SORCS1: variants seen among roughly 807,000 people sequenced by gnomAD.
The protein encoded by SORCS1 is sortilin related VPS10 domain containing receptor 1, also known as VPS10 domain-containing receptor SorCS1.
A neutral mutation model predicts 146.1 loss-of-function variants in SORCS1; 60 were observed. That is an observed-to-expected ratio of 0.41 (90% CI 0.33 to 0.51). The LOEUF (loss-of-function observed/expected upper bound fraction) is 0.51. Among genes scored for constraint, SORCS1 ranks in the 20% least tolerant of loss-of-function variants. The pLI, the probability that SORCS1 is intolerant of heterozygous loss-of-function variation, is 0.21. For missense variants in SORCS1, 1,352 were observed against 1,487.6 expected (o/e 0.91, Z 1.50); for synonymous variants, 637 against 584.0 (o/e 1.09, Z -1.31).
At chr10:106,595,282 C>G (rs1342764835) in intron 24 of SORCS1, among the ~76,000 whole-genome samples, 1 of 152,138 alleles carries the variant, frequency 6.6e-6, no homozygotes, top group East Asian at 1.9e-4. Context: ...CTTGGCCCAG[C>G]GTAGGCAGGC....
chr10:106,829,712 A>G, intron 2 of SORCS1, 39 bp from the exon 3 acceptor site: 1 of 1,512,426 alleles, frequency 6.6e-7, no homozygotes, highest in Non-Finnish European at 9.1e-7. Flanking sequence ...ACAGAAGTAT[A>G]TGTCATTTGG....
chr10:106,962,213 A>G (rs764239280), intron 1 of SORCS1, among the ~76,000 whole-genome samples: 1 of 151,834 alleles, frequency 6.6e-6, no homozygotes, highest in Non-Finnish European at 1.5e-5. Flanking sequence ...CAGCCTGACC[A>G]ACATGGAGAA....
chr10:106,629,705 C>T (rs1448884003), intron 18 of SORCS1, among the ~76,000 whole-genome samples: 1 of 152,182 alleles, frequency 6.6e-6, no homozygotes, highest in Non-Finnish European at 1.5e-5. Context: ...TGGTAATAGT[C>T]TTAGCATCCA....
At chr10:106,976,619 C>T (rs1044254039) in intron 1 of SORCS1, among the ~76,000 whole-genome samples, 1 of 151,672 alleles carries the variant, frequency 6.6e-6, no homozygotes, top group Non-Finnish European at 1.5e-5. Context: ...GCGTGAGCCA[C>T]CGCGCCCGGC....
intron 2 of SORCS1, among the ~76,000 whole-genome samples, chr10:106,842,831 T>G (rs142990255): frequency 0.017 from 2,523 of 152,010 alleles, 89 homozygotes; most frequent in African/African-American, 0.058. Flanking sequence ...CAGGCTGGTC[T>G]TGAACTCCTG....
chr10:106,655,115 C>T (rs1850183934), intron 17 of SORCS1, among the ~76,000 whole-genome samples: 1 of 152,148 alleles, frequency 6.6e-6, no homozygotes, highest in African/African-American at 2.4e-5. Flanking sequence ...CCTCAGCCTC[C>T]CAAAGTGCTG....
At position 106,577,118 on chromosome 10, in the gene SORCS1, AG is replaced by A; in HGVS notation, c.*301del. 9.9e-7 allele frequency: 1 copy of A among 1,012,044 alleles called. No homozygotes were observed. Among genetic ancestry groups the A allele is most frequent in the South Asian group, 1.5e-5 (1 of 66,476 alleles). The allele number at this position is 1,012,044 out of a possible 1,614,324, so 62.7% of individuals were successfully genotyped here. ...GTTGTCTGTGTCTGAAGAATTAAAA[AG>A]TCCCGATGCAGTGAGTGTTTGTTTG... On this transcript the variant is annotated 3_prime_UTR_variant, in exon 26 of 26. Transcript: ENST00000263054.
chr10:106,653,098 G>T (rs1850002595), intron 17 of SORCS1, among the ~76,000 whole-genome samples: 1 of 152,180 alleles, frequency 6.6e-6, no homozygotes, highest in African/African-American at 2.4e-5. Flanking sequence ...TTCATGAGAG[G>T]TTATACTGGC....
chr10:106,679,023 AC>A (rs1183179590), intron 12 of SORCS1, among the ~76,000 whole-genome samples: 1 of 152,220 alleles, frequency 6.6e-6, no homozygotes, highest in Non-Finnish European at 1.5e-5. Flanking sequence ...AAACACCCTT[AC>A]ATACAAGCTC....
intron 2 of SORCS1, among the ~76,000 whole-genome samples, chr10:106,891,570 G>T (rs116174945): frequency 6.9e-6 from 1 of 145,910 alleles, no homozygotes; most frequent in African/African-American, 2.6e-5. Context: ...CATCACCATA[G>T]CTCACTATAA....
intron 1 of SORCS1, among the ~76,000 whole-genome samples, chr10:106,985,297 A>G (rs1466276225): frequency 6.6e-6 from 1 of 152,348 alleles, no homozygotes; most frequent in Middle Eastern, 3.4e-3. Flanking sequence ...GAGTGGAAAC[A>G]TTACATGAAA....
At chr10:106,993,696 T>C (rs1379750758) in intron 1 of SORCS1, among the ~76,000 whole-genome samples, 1 of 152,056 alleles carries the variant, frequency 6.6e-6, no homozygotes, top group Non-Finnish European at 1.5e-5. Flanking sequence ...GGAAAAAAAA[T>C]ATTCTTTTAA....
intron 1 of SORCS1, among the ~76,000 whole-genome samples, chr10:107,089,507 T>C (rs1471517882): frequency 6.6e-6 from 1 of 152,244 alleles, no homozygotes; most frequent in African/African-American, 2.4e-5. Flanking sequence ...TAATATCATC[T>C]AATAGATACT....
At chr10:107,000,330 T>C (rs754903839) in intron 1 of SORCS1, among the ~76,000 whole-genome samples, 3 of 151,996 alleles carry the variant, frequency 2.0e-5, no homozygotes, top group South Asian at 2.1e-4. Context: ...CTGGGCACAA[T>C]GGCTCATGCC....
intron 1 of SORCS1, among the ~76,000 whole-genome samples, chr10:106,988,198 TAG>T (rs1317281636): frequency 3.9e-5 from 6 of 152,226 alleles, no homozygotes; most frequent in African/African-American, 1.4e-4. Context: ...CTTTATTCTA[TAG>T]AGTCATGCCA....
chr10:106,735,215 T>G (rs1375853023), intron 5 of SORCS1, among the ~76,000 whole-genome samples: 1 of 152,044 alleles, frequency 6.6e-6, no homozygotes, highest in Non-Finnish European at 1.5e-5. Context: ...TCAAAATTAT[T>G]GATTGTCATA....
At chr10:106,905,663 C>T (rs559833923) in intron 2 of SORCS1, among the ~76,000 whole-genome samples, 1 of 152,208 alleles carries the variant, frequency 6.6e-6, no homozygotes, top group African/African-American at 2.4e-5. Flanking sequence ...AGGGTTAGGG[C>T]TGTTTTTCCA....
Position 106,880,070 on chromosome 10 carries a change from G to A in SORCS1, c.627-50397C>T, listed in dbSNP as rs568583835. On this transcript the variant is annotated intron_variant, in intron 2 of 25. Coordinates refer to ENST00000263054, the MANE Select transcript of SORCS1 (RefSeq NM_052918.5). Reference sequence around the variant, plus strand: ...TATTAGTTCTGCTAAAGCTAATAACGACAGCACAAGGTGGTTGGTGGCTAA... The same window carrying A: ...TATTAGTTCTGCTAAAGCTAATAACAACAGCACAAGGTGGTTGGTGGCTAA... Among the ~76,000 whole-genome samples, 20 of 152,316 alleles carry A rather than the reference G, an allele frequency of 1.3e-4. No homozygotes were observed. In the South Asian group the frequency reaches 3.5e-3, roughly 27 times the overall value.
intron 3 of SORCS1, among the ~76,000 whole-genome samples, chr10:106,816,820 G>C (rs1947764401): frequency 6.6e-6 from 1 of 152,160 alleles, no homozygotes; most frequent in Non-Finnish European, 1.5e-5. Flanking sequence ...CATCGAGCCA[G>C]AATTACAGCA....
Sources: gnomAD v4.1 joint callset for allele counts (sites outside exome capture counted in the v4.1 genomes callset) on GRCh38, gnomAD v4.1.1 for gene constraint, MANE v1.5 for transcripts, NCBI Gene and HGNC (gene_info 2026-07-23, HGNC 2026-07-21) for gene names.